Variants in LRRC4C observed in about 807,000 individuals in gnomAD.
The protein encoded by LRRC4C is leucine rich repeat containing 4C, also known as leucine-rich repeat-containing protein 4C.
LRRC4C carries 5 observed loss-of-function variants against 33.6 expected under a neutral mutation model. The ratio of observed to expected loss-of-function variants is 0.15; its 90% confidence interval spans 0.08 to 0.31. LRRC4C has a LOEUF of 0.31. Ranked by LOEUF, LRRC4C falls within the 10% of genes least tolerant of loss-of-function variation. The pLI is 1.00. For synonymous variants in LRRC4C, 329 were observed against 302.0 expected (o/e 1.09, Z -0.93); for missense variants, 560 against 796.7 (o/e 0.70, Z 3.58).
At chr11:40,238,850 C>G (rs1865744601) in intron 5 of LRRC4C, among the ~76,000 whole-genome samples, 2 of 151,976 alleles carry the variant, frequency 1.3e-5, no homozygotes, top group African/African-American at 4.8e-5. Flanking sequence ...GGTGATTTTC[C>G]CTCCTGCACA....
chr11:41,198,930 T>C, intron 1 of LRRC4C, among the ~76,000 whole-genome samples: 1 of 152,234 alleles, frequency 6.6e-6, no homozygotes, highest in African/African-American at 2.4e-5. Context: ...GTTTTATTTA[T>C]TTTATCCACA....
At chr11:41,016,079 A>G (rs970864789) in intron 1 of LRRC4C, among the ~76,000 whole-genome samples, 6 of 152,200 alleles carry the variant, frequency 3.9e-5, no homozygotes, top group Non-Finnish European at 8.8e-5. Context: ...AAAGAAAAAA[A>G]GGAGGAAAGC....
intron 2 of LRRC4C, among the ~76,000 whole-genome samples, chr11:40,847,137 T>C (rs1565128463): frequency 6.6e-6 from 1 of 152,006 alleles, no homozygotes; most frequent in Non-Finnish European, 1.5e-5. Context: ...AATACCTTTC[T>C]TTCTTTTTCT....
chr11:40,536,553 G>A (rs1055161365), intron 3 of LRRC4C, among the ~76,000 whole-genome samples: 1 of 152,114 alleles, frequency 6.6e-6, no homozygotes, highest in Non-Finnish European at 1.5e-5. Context: ...ATCTGAGAAC[G>A]TCTATCCAAT....
rs1337175001 is a variant in LRRC4C, at chr11:41,454,640, A to G, written c.-496+4791T>C. On this transcript the variant is annotated intron_variant, in intron 1 of 6. Coordinates refer to ENST00000528697, the MANE Select transcript of LRRC4C (RefSeq NM_001258419.2). ...CTCCTTATATTCGGTATCATTTTGA[A>G]AGTTCTGAGTATAAGTGAAATGACA... 2.0e-5 allele frequency among the ~76,000 whole-genome samples: 3 copies of G among 152,148 alleles called. No individual in the cohort carries two copies. The East Asian group carries it at 5.8e-4, about 29-fold the overall frequency.
chr11:41,270,183 A>C (rs1189938392), intron 1 of LRRC4C, among the ~76,000 whole-genome samples: 1 of 152,122 alleles, frequency 6.6e-6, no homozygotes, highest in Non-Finnish European at 1.5e-5. Flanking sequence ...CCTGGGAAAT[A>C]TCAAGAGAAA....
intron 2 of LRRC4C, among the ~76,000 whole-genome samples, chr11:40,704,719 C>G (rs1039439510): frequency 6.6e-6 from 1 of 152,078 alleles, no homozygotes; most frequent in Admixed American, 6.6e-5. Context: ...AAGTAACATA[C>G]GTCAAGTGCT....
intron 4 of LRRC4C, among the ~76,000 whole-genome samples, chr11:40,256,708 A>G (rs562939520): frequency 2.0e-5 from 3 of 152,318 alleles, no homozygotes; most frequent in African/African-American, 7.2e-5. Context: ...CTTAATGAAT[A>G]CTAAATGATG....
At chr11:41,308,518 C>A (rs1378678000) in intron 1 of LRRC4C, among the ~76,000 whole-genome samples, 1 of 152,222 alleles carries the variant, frequency 6.6e-6, no homozygotes, top group East Asian at 1.9e-4. Context: ...AAAAGCCTAT[C>A]TACAGTCAAC....
chr11:40,672,266 G>T (rs888251543), intron 2 of LRRC4C, among the ~76,000 whole-genome samples: 1 of 151,988 alleles, frequency 6.6e-6, no homozygotes, highest in Non-Finnish European at 1.5e-5. Flanking sequence ...GTTCTCTCTT[G>T]GGCCTCTTTT....
chr11:40,145,144 A>G (rs1857635849), intron 5 of LRRC4C, among the ~76,000 whole-genome samples: 1 of 152,218 alleles, frequency 6.6e-6, no homozygotes, highest in African/African-American at 2.4e-5. Context: ...TTCTTGAATA[A>G]GATAATGAAA....
At chr11:41,008,867 A>G (rs938877018) in intron 1 of LRRC4C, among the ~76,000 whole-genome samples, 12 of 152,044 alleles carry the variant, frequency 7.9e-5, no homozygotes, top group African/African-American at 2.9e-4. Context: ...TGGCTCCCCC[A>G]TCATTTCCAA....
chr11:40,794,742 G>A (rs776188024), intron 2 of LRRC4C, among the ~76,000 whole-genome samples: 2 of 152,138 alleles, frequency 1.3e-5, no homozygotes, highest in Admixed American at 1.3e-4. Flanking sequence ...ATAAGAATAT[G>A]AGTAGGACTC....
At chr11:40,824,041 C>T (rs1952054236) in intron 2 of LRRC4C, among the ~76,000 whole-genome samples, 1 of 151,786 alleles carries the variant, frequency 6.6e-6, no homozygotes, top group Non-Finnish European at 1.5e-5. Flanking sequence ...AAACCAGATG[C>T]AAAAGACTAT....
intron 3 of LRRC4C, among the ~76,000 whole-genome samples, chr11:40,502,019 T>C (rs1310105503): frequency 2.6e-5 from 4 of 152,180 alleles, no homozygotes; most frequent in Non-Finnish European, 5.9e-5. Context: ...AAATCATCTC[T>C]CTCAAGTTCA....
intron 1 of LRRC4C, among the ~76,000 whole-genome samples, chr11:41,398,152 A>G (rs978196230): frequency 5.9e-5 from 9 of 151,970 alleles, no homozygotes; most frequent in African/African-American, 2.2e-4. Context: ...AATACTAAAT[A>G]AAAACAACAA....
chr11:41,166,344 C>T (rs762930714), intron 1 of LRRC4C, among the ~76,000 whole-genome samples: 11 of 152,242 alleles, frequency 7.2e-5, no homozygotes, highest in Non-Finnish European at 1.2e-4. Flanking sequence ...CAAGCAAATG[C>T]CTGGCAGAAA....
At chr11:40,540,940 A>G (rs1956682771) in intron 3 of LRRC4C, among the ~76,000 whole-genome samples, 1 of 152,118 alleles carries the variant, frequency 6.6e-6, no homozygotes. Flanking sequence ...TCTGCCCAGG[A>G]GGGATGATTG....
At chr11:41,046,917 T>G (rs1857812507) in intron 1 of LRRC4C, among the ~76,000 whole-genome samples, 1 of 152,176 alleles carries the variant, frequency 6.6e-6, no homozygotes, top group African/African-American at 2.4e-5. Context: ...ATTTGGCAGA[T>G]CTGAAGGAAG....
Sources: allele counts gnomAD v4.1 joint callset (sites outside exome capture counted in the v4.1 genomes callset), GRCh38; gene constraint gnomAD v4.1.1; transcripts MANE v1.5; gene names NCBI Gene and HGNC (gene_info 2026-07-23, HGNC 2026-07-21).